Variants in LEPROTL1 observed in about 807,000 individuals in gnomAD.
The protein encoded by LEPROTL1 is leptin receptor overlapping transcript-like 1.
In LEPROTL1, 6 loss-of-function variants were observed where a neutral mutation model predicts 15.4. The observed-to-expected ratio is 0.39, with a 90% CI of 0.21 to 0.77. The LOEUF is 0.77. LEPROTL1 is among the 30% of genes least tolerant of loss of function. The probability of loss-of-function intolerance (pLI) is 0.41; values close to 1 mark genes in which losing one functional copy is unlikely to be tolerated. For missense variants in LEPROTL1, 128 were observed against 158.1 expected (o/e 0.81, Z 1.02); for synonymous variants, 56 against 52.6 (o/e 1.06, Z -0.28).
downstream of LEPROTL1, among the ~76,000 whole-genome samples, chr8:30,109,408 A>G (rs574784793): frequency 2.0e-5 from 3 of 152,360 alleles, no homozygotes; most frequent in Admixed American, 6.5e-5. Context: ...TTTTAGATCA[A>G]TGAAGCTTAG....
chr8:30,095,834 C>T (rs981476934), intron 1 of LEPROTL1: 3 of 701,720 alleles, frequency 4.3e-6, no homozygotes, highest in African/African-American at 3.5e-5. Context: ...TGAGGAGTCC[C>T]GTCGCGACTT....
At chr8:30,114,952 C>G (rs908227919) in intron 3 of LEPROTL1, among the ~76,000 whole-genome samples, 1 of 152,170 alleles carries the variant, frequency 6.6e-6, no homozygotes, top group Non-Finnish European at 1.5e-5. Context: ...CACCTGATCT[C>G]AAGACATGGG....
At chr8:30,116,413 C>T (rs2117506118) in intron 3 of LEPROTL1, among the ~76,000 whole-genome samples, 1 of 152,208 alleles carries the variant, frequency 6.6e-6, no homozygotes, top group South Asian at 2.1e-4. Flanking sequence ...ACCGTTCCAC[C>T]TCAGATCATC....
At chr8:30,096,015 A>G in intron 1 of LEPROTL1, 1 of 600,232 alleles carries the variant, frequency 1.7e-6, no homozygotes. Flanking sequence ...CGAAACCTCG[A>G]CCCCACGTCC....
intron 4 of LEPROTL1, among the ~76,000 whole-genome samples, chr8:30,134,459 T>TC (rs1483097777): frequency 6.6e-6 from 1 of 152,026 alleles, no homozygotes; most frequent in Non-Finnish European, 1.5e-5. Context: ...AAAAAAACTT[T>TC]GTCTTCCTTT....
chr8:30,114,960 G>C (rs1235266861), intron 3 of LEPROTL1, among the ~76,000 whole-genome samples: 1 of 152,104 alleles, frequency 6.6e-6, no homozygotes, highest in Non-Finnish European at 1.5e-5. Flanking sequence ...CTCAAGACAT[G>C]GGGGAATGTG....
intron 1 of LEPROTL1, among the ~76,000 whole-genome samples, 197 bp from the exon 2 acceptor site, chr8:30,101,701 T>A (rs1802470435): frequency 7.3e-6 from 1 of 136,724 alleles, no homozygotes. Context: ...AAAAGGCCAG[T>A]GTCACTTCAT....
chr8:30,134,798 T>C (rs1803104096), intron 4 of LEPROTL1, among the ~76,000 whole-genome samples: 1 of 152,174 alleles, frequency 6.6e-6, no homozygotes, highest in South Asian at 2.1e-4. Flanking sequence ...TCTGCCCGCC[T>C]CGGCCTCCCA....
chr8:30,102,176 A>T (rs1802477721), intron 2 of LEPROTL1, among the ~76,000 whole-genome samples: 1 of 152,214 alleles, frequency 6.6e-6, no homozygotes, highest in Non-Finnish European at 1.5e-5. Flanking sequence ...TTTGGCTGTT[A>T]CCTGCTCTTT....
Position 30,107,100 on chromosome 8 carries a change from A to G in LEPROTL1, c.*1238A>G, listed in dbSNP as rs1433826328. 2.0e-6 allele frequency: 2 copies of G among 980,266 alleles called. No individual in the cohort carries two copies. Among genetic ancestry groups the G allele is most frequent in the Non-Finnish European group, 2.4e-6 (2 of 825,224 alleles). The allele number at this position is 980,266 out of a possible 1,614,324, so 60.7% of individuals were successfully genotyped here. On this transcript the variant is annotated 3_prime_UTR_variant, in exon 4 of 4. Coordinates refer to ENST00000321250, the MANE Select transcript of LEPROTL1 (RefSeq NM_015344.3). The stretch of plus-strand genomic sequence containing the variant: ...TATGTAATTTAAAAGTATTTTTAAG[A>G]CAAGTTTCCTGTATACCTCTGAACT...
intron 3 of LEPROTL1, among the ~76,000 whole-genome samples, chr8:30,128,314 G>T (rs1802937621): frequency 6.6e-6 from 1 of 152,226 alleles, no homozygotes; most frequent in Non-Finnish European, 1.5e-5. Flanking sequence ...ACCAATCAGA[G>T]GAGTAGAAAT....
Position 30,107,605 on chromosome 8 carries a change from T to C in LEPROTL1, c.*1743T>C. 2.0e-6 allele frequency: 2 copies of C among 985,842 alleles called. No homozygotes were observed. The highest frequency in any genetic ancestry group is 2.4e-6 in the Non-Finnish European group (2 of 829,922). 61.1% of individuals were successfully genotyped at this position (985,842 alleles called of 1,614,324 possible). A position where few individuals can be genotyped will look rare whatever the true frequency, so the allele number is the denominator to read the frequency against. On this transcript the variant is annotated 3_prime_UTR_variant, in exon 4 of 4. Transcript: ENST00000321250. ...AGATGACGGGAAGCAGGACGAAATA[T>C]CGGCGTGTGGCTGGAGCCTTCCCAC...
intron 4 of LEPROTL1, among the ~76,000 whole-genome samples, chr8:30,133,756 T>G (rs1585482805): frequency 7.8e-6 from 1 of 128,342 alleles, no homozygotes; most frequent in Non-Finnish European, 1.6e-5. Context: ...ACCACTGCAC[T>G]CCAGCCTACA....
intron 3 of LEPROTL1, among the ~76,000 whole-genome samples, chr8:30,118,617 A>G (rs1258371076): frequency 6.6e-6 from 1 of 152,184 alleles, no homozygotes; most frequent in Non-Finnish European, 1.5e-5. Context: ...GAGACAAAGT[A>G]TAGAGTTAGA....
At chr8:30,126,029 A>G (rs1012025178) in intron 3 of LEPROTL1, among the ~76,000 whole-genome samples, 2 of 152,220 alleles carry the variant, frequency 1.3e-5, no homozygotes, top group Non-Finnish European at 2.9e-5. Flanking sequence ...AAATCTGTGA[A>G]GAATCTGTTG....
In LEPROTL1 at chr8:30,095,438, C is replaced by T; in HGVS notation, c.-75C>T. 1 of 1,418,894 alleles carries T rather than the reference C, an allele frequency of 7.0e-7. No individual in the cohort carries two copies. The highest frequency in any genetic ancestry group is 9.3e-7 in the Non-Finnish European group (1 of 1,074,938). The allele number at this position is 1,418,894 out of a possible 1,614,324, so 87.9% of individuals were successfully genotyped here. A position where few individuals can be genotyped will look rare whatever the true frequency, so the allele number is the denominator to read the frequency against. On this transcript the variant is annotated 5_prime_UTR_variant, in exon 1 of 4. Transcript: ENST00000321250. ...TCCGGGTGTTGTCTGGCCGCCGTAG[C>T]GCGTCTTGGGTCTCCCGGCTGCCGC...
Position 30,106,325 on chromosome 8 carries a change from G to A in LEPROTL1, c.*463G>A. On this transcript the variant is annotated 3_prime_UTR_variant, in exon 4 of 4. Transcript: ENST00000321250. ...ATAAAAATAAGTTTTCAGTCAGTCA[G>A]GATGACATCACTCCCAATGTTATGC... 2 of 986,848 alleles carry A rather than the reference G, an allele frequency of 2.0e-6. No individual in the cohort carries two copies. Among genetic ancestry groups the A allele is most frequent in the Non-Finnish European group, 2.4e-6 (2 of 830,566 alleles). The allele number at this position is 986,848 out of a possible 1,614,324, so 61.1% of individuals were successfully genotyped here. A position where few individuals can be genotyped will look rare whatever the true frequency, so the allele number is the denominator to read the frequency against.
chr8:30,129,723 A>T (rs1020293176), intron 3 of LEPROTL1, among the ~76,000 whole-genome samples: 351 of 147,590 alleles, frequency 2.4e-3, no homozygotes, highest in Non-Finnish European at 4.2e-3. Flanking sequence ...ACACACACAC[A>T]CACACACACA....
downstream of LEPROTL1, among the ~76,000 whole-genome samples, chr8:30,112,322 A>C (rs1340960984): frequency 8.2e-6 from 1 of 121,930 alleles, no homozygotes; most frequent in East Asian, 2.4e-4. Context: ...TGCAACCTCC[A>C]CCTCCTGGGT....
Sources: gnomAD v4.1 joint callset for allele counts (sites outside exome capture counted in the v4.1 genomes callset) on GRCh38, gnomAD v4.1.1 for gene constraint, MANE v1.5 for transcripts, NCBI Gene and HGNC (gene_info 2026-07-23, HGNC 2026-07-21) for gene names.